Variants in NFIA observed in about 807,000 individuals in gnomAD.
NFIA encodes the protein nuclear factor I A.
Under a neutral mutation model 62.8 loss-of-function variants are expected in NFIA, and 8 were observed. The observed-to-expected ratio is 0.13, with a 90% CI of 0.07 to 0.23. NFIA has a LOEUF of 0.23. Ranked by LOEUF, NFIA falls within the 10% of genes least tolerant of loss-of-function variation. NFIA has a pLI of 1.00. For missense variants in NFIA, 410 were observed against 642.1 expected, an observed-to-expected ratio of 0.64 and a Z score of 3.91; for synonymous variants, 235 against 238.1, an observed-to-expected ratio of 0.99 and a Z score of 0.12.
rs528806011 is a variant in NFIA at position 61,391,315 on chromosome 1, A to G, written c.1075+7950A>G. ...TGGCTCAAGCAATCCTCCTGCTTCA[A>G]CCTTCCAAAGTGCTGGGATTACAAC... On this transcript the variant is annotated intron_variant, in intron 7 of 10. Transcript: ENST00000403491. 3.9e-5 allele frequency among the ~76,000 whole-genome samples: 6 copies of G among 152,144 alleles called. No individual in the cohort carries two copies. In the East Asian group the frequency reaches 9.7e-4, roughly 25 times the overall value.
At chr1:61,337,707 T>C (rs1283370333) in intron 4 of NFIA, among the ~76,000 whole-genome samples, 1 of 152,178 alleles carries the variant, frequency 6.6e-6, no homozygotes, top group Non-Finnish European at 1.5e-5. Flanking sequence ...TCTCAAGGCA[T>C]TTTTAGATTG....
At chr1:61,077,721 A>G (rs1488040541), upstream of NFIA, 1 of 1,003,250 alleles carries the variant, frequency 1.0e-6, no homozygotes, top group East Asian at 2.8e-5. Flanking sequence ...GGCTAAGACT[A>G]AAATTTCTCT....
At chr1:61,430,915 G>T (rs1225537559) in intron 10 of NFIA, among the ~76,000 whole-genome samples, 1 of 151,998 alleles carries the variant, frequency 6.6e-6, no homozygotes, top group Non-Finnish European at 1.5e-5. Flanking sequence ...ATGAGAGGTG[G>T]CCACCTCCCT....
intron 8 of NFIA, among the ~76,000 whole-genome samples, chr1:61,405,819 T>A (rs1263724944): frequency 1.3e-5 from 2 of 152,216 alleles, no homozygotes; most frequent in Non-Finnish European, 2.9e-5. Context: ...AATTTTTTGT[T>A]AAAGAGCTGT....
At chr1:61,112,830 T>C (rs1646726389) in intron 2 of NFIA, among the ~76,000 whole-genome samples, 1 of 152,192 alleles carries the variant, frequency 6.6e-6, no homozygotes, top group South Asian at 2.1e-4. Context: ...TCATATGCAT[T>C]GATTATTATT....
intron 2 of NFIA, among the ~76,000 whole-genome samples, chr1:61,222,122 A>T (rs1654051881): frequency 6.6e-6 from 1 of 152,154 alleles, no homozygotes; most frequent in Non-Finnish European, 1.5e-5. Context: ...TACGTGTTTT[A>T]AGTTTTACTG....
intron 2 of NFIA, among the ~76,000 whole-genome samples, chr1:61,269,654 A>C (rs12075539): frequency 0.01 from 1,561 of 152,326 alleles, 37 homozygotes; most frequent in African/African-American, 0.036. Flanking sequence ...CAAAGCTTGA[A>C]TATCCAGACA....
At chr1:61,082,968 G>C (rs1646142138) in intron 1 of NFIA, 150 bp downstream of exon 1, 2 of 499,902 alleles carry the variant, frequency 4.0e-6, no homozygotes, top group Middle Eastern at 5.7e-4. Context: ...TTCTGTGTGT[G>C]TGCGCGCGTG....
At chr1:61,209,565 T>A (rs950579904) in intron 2 of NFIA, among the ~76,000 whole-genome samples, 11 of 152,020 alleles carry the variant, frequency 7.2e-5, no homozygotes, top group African/African-American at 1.7e-4. Context: ...ACCTGATACC[T>A]GTAATCCCAG....
At position 61,219,824 on chromosome 1, in the gene NFIA, C is replaced by T. The variant is rs145626357; in HGVS notation, c.560-57696C>T. On this transcript the variant is annotated intron_variant, in intron 2 of 10. Transcript: ENST00000403491. Reference sequence around the variant, plus strand: ...ACTAAGCATAGAAAAATTAGTGGGGCGCAGTGGCCCACGCCTTAGTCCCAG... The same window carrying T: ...ACTAAGCATAGAAAAATTAGTGGGGTGCAGTGGCCCACGCCTTAGTCCCAG... 5.8e-3 allele frequency among the ~76,000 whole-genome samples: 875 copies of T among 151,524 alleles called. 5 individuals are homozygous for T. Among genetic ancestry groups the T allele is most frequent in the African/African-American group, 0.019 (801 of 41,256 alleles).
At chr1:61,205,757 C>T (rs909717940) in intron 2 of NFIA, among the ~76,000 whole-genome samples, 3 of 151,998 alleles carry the variant, frequency 2.0e-5, no homozygotes, top group African/African-American at 4.8e-5. Flanking sequence ...TTGAATTGAG[C>T]GGACGAGAAC....
intron 1 of NFIA, among the ~76,000 whole-genome samples, chr1:61,083,722 A>T (rs922222728): frequency 1.3e-5 from 2 of 151,322 alleles, no homozygotes; most frequent in Non-Finnish European, 3.0e-5. Flanking sequence ...CCTAGCCGGG[A>T]GCCGGAGCGG....
At chr1:61,415,475 AG>A (rs1465879953) in intron 9 of NFIA, among the ~76,000 whole-genome samples, 1 of 152,202 alleles carries the variant, frequency 6.6e-6, no homozygotes, top group African/African-American at 2.4e-5. Context: ...TATTTTTAAA[AG>A]TTAGTAAGAG....
chr1:61,320,918 T>C (rs1363593565), intron 3 of NFIA, among the ~76,000 whole-genome samples: 3 of 152,158 alleles, frequency 2.0e-5, no homozygotes, highest in Non-Finnish European at 2.9e-5. Context: ...TTCCCTAGTA[T>C]ATGTAAAAGT....
At chr1:61,398,890 G>A (rs1665415094) in intron 7 of NFIA, among the ~76,000 whole-genome samples, 1 of 152,162 alleles carries the variant, frequency 6.6e-6, no homozygotes, top group Non-Finnish European at 1.5e-5. Flanking sequence ...ATATAGTGTG[G>A]TTTTGAATTT....
chr1:61,193,413 C>T (rs184053244), intron 2 of NFIA, among the ~76,000 whole-genome samples: 2 of 152,310 alleles, frequency 1.3e-5, no homozygotes, highest in African/African-American at 4.8e-5. Flanking sequence ...CAACTAATGA[C>T]ATGTGGAAGT....
In NFIA at chr1:61,411,265, C is replaced by T. The variant is rs187497750; in HGVS notation, c.1420+4538C>T. The stretch of plus-strand genomic sequence containing the variant: ...AAGGCAGATGTGGGGGAAAAAAAAT[C>T]CTGTGAAATAAATACATTTTAATGG... On this transcript the variant is annotated intron_variant, in intron 9 of 10. Coordinates refer to ENST00000403491, the MANE Select transcript of NFIA (RefSeq NM_001134673.4). Among the ~76,000 whole-genome samples the T allele has an allele frequency of 2.3e-3, 355 of 152,096 alleles. 1 individual carries two copies. The highest frequency in any genetic ancestry group is 8.2e-3 in the African/African-American group (340 of 41,488).
chr1:61,315,040 C>CA (rs71582636), intron 3 of NFIA, among the ~76,000 whole-genome samples: 1,958 of 150,396 alleles, frequency 0.013, 41 homozygotes, highest in African/African-American at 0.038. Context: ...GCACCTGAAA[C>CA]AAAAAAAAAC....
intron 9 of NFIA, among the ~76,000 whole-genome samples, chr1:61,413,559 G>T (rs888202413): frequency 6.6e-6 from 1 of 150,944 alleles, no homozygotes; most frequent in Admixed American, 6.6e-5. Context: ...TTCTGATTCT[G>T]GGGGGAACCA....
Sources: allele counts gnomAD v4.1 joint callset (sites outside exome capture counted in the v4.1 genomes callset), GRCh38; gene constraint gnomAD v4.1.1; transcripts MANE v1.5; gene names NCBI Gene and HGNC (gene_info 2026-07-23, HGNC 2026-07-21).